Variants in SWAP70 observed in about 807,000 individuals in gnomAD.
The protein encoded by SWAP70 is switch-associated protein 70.
SWAP70 carries 34 observed loss-of-function variants against 80.2 expected under a neutral mutation model. The observed-to-expected ratio is 0.42, with a 90% CI of 0.32 to 0.56. The LOEUF (loss-of-function observed/expected upper bound fraction) is 0.56, where lower values mean the gene tolerates loss of function less well. Among genes scored for constraint, SWAP70 ranks in the 20% least tolerant of loss-of-function variants. The pLI is 0.09. For synonymous variants in SWAP70, 239 were observed against 238.5 expected, an observed-to-expected ratio of 1.00 and a Z score of -0.02; for missense variants, 578 against 690.7, an observed-to-expected ratio of 0.84 and a Z score of 1.83.
At chr11:9,695,116 C>G (rs1413226050) in intron 2 of SWAP70, among the ~76,000 whole-genome samples, 1 of 152,036 alleles carries the variant, frequency 6.6e-6, no homozygotes, top group Non-Finnish European at 1.5e-5. Context: ...TGATGAAACC[C>G]CATCTCTATT....
chr11:9,699,906 C>G (rs1485487181), intron 2 of SWAP70, among the ~76,000 whole-genome samples: 1 of 149,416 alleles, frequency 6.7e-6, no homozygotes, highest in East Asian at 1.9e-4. Flanking sequence ...TAGATACAGA[C>G]AGTAAATAGA....
At chr11:9,747,410 A>T (rs1851525659) in intron 9 of SWAP70, among the ~76,000 whole-genome samples, 2 of 152,230 alleles carry the variant, frequency 1.3e-5, no homozygotes. Flanking sequence ...ACTAGATGAA[A>T]ATGTTTTCAT....
intron 1 of SWAP70, among the ~76,000 whole-genome samples, chr11:9,687,980 C>A (rs1400414160): frequency 6.6e-6 from 1 of 152,154 alleles, no homozygotes; most frequent in Admixed American, 6.5e-5. Context: ...AGAAATGTTT[C>A]CAGCACAGGG....
intron 1 of SWAP70, among the ~76,000 whole-genome samples, chr11:9,670,522 G>C (rs967893288): frequency 1.0e-3 from 155 of 151,954 alleles, no homozygotes; most frequent in African/African-American, 3.7e-3. Context: ...GGAAAATTTG[G>C]GGTTGTCAGT....
chr11:9,672,217 A>G (rs1459185204), intron 1 of SWAP70, among the ~76,000 whole-genome samples: 1 of 133,124 alleles, frequency 7.5e-6, no homozygotes, highest in Non-Finnish European at 1.6e-5. Context: ...ATATATATAT[A>G]TATATATATA....
At chr11:9,708,273 T>A (rs1850949770) in intron 2 of SWAP70, among the ~76,000 whole-genome samples, 1 of 152,108 alleles carries the variant, frequency 6.6e-6, no homozygotes. Flanking sequence ...TGTGCAAGGG[T>A]TCGAATTTCT....
Position 9,713,509 on chromosome 11 carries a change from G to A in SWAP70, c.284G>A (p.Trp95Ter). The A allele has an allele frequency of 6.2e-7, 1 of 1,613,780 alleles. No individual in the cohort carries two copies. ...FDKIEFNRMC[W>*]TLCVKKNLTK... ...AAGATTGAATTCAATAGGATGTGTT[G>A]GACCCTCTGTGTCAAAAAAAACCTC... Residue 95 changes from tryptophan (W) to a stop codon, truncating the protein, a stop_gained, in exon 3 of 12, where the codon TGG becomes TAG. Transcript: ENST00000318950. LOFTEE classifies it high-confidence loss of function.
At chr11:9,675,342 G>GGAGAGAGAGAGAGA (rs1850477836) in intron 1 of SWAP70, among the ~76,000 whole-genome samples, 1 of 11,910 alleles carries the variant, frequency 8.4e-5, no homozygotes, top group Non-Finnish European at 2.3e-4. Flanking sequence ...AGAGAGAGAG[G>GGAGAGAGAGAGAGA]GAGCGAGAGA....
chr11:9,726,596 A>G (rs1851228292), intron 4 of SWAP70, among the ~76,000 whole-genome samples: 1 of 152,240 alleles, frequency 6.6e-6, no homozygotes, highest in South Asian at 2.1e-4. Flanking sequence ...GAAACTGAAT[A>G]TGTAATATGA....
intron 2 of SWAP70, among the ~76,000 whole-genome samples, chr11:9,706,818 A>C (rs1850921107): frequency 1.3e-5 from 2 of 151,196 alleles, no homozygotes; most frequent in East Asian, 1.9e-4. Context: ...CACATAAAGA[A>C]CTCTTTTTTT....
chr11:9,664,371 G>T lies in SWAP70; in HGVS notation c.99+93G>T, dbSNP rs2134407495. 2.2e-6 allele frequency: 3 copies of T among 1,382,972 alleles called. No individual in the cohort carries two copies. In the Admixed American group the frequency reaches 6.8e-5, roughly 32 times the overall value. 85.7% of individuals were successfully genotyped at this position (1,382,972 alleles called of 1,614,324 possible). A position where few individuals can be genotyped will look rare whatever the true frequency, so the allele number is the denominator to read the frequency against. The stretch of plus-strand genomic sequence containing the variant: ...AAGCGGGACCTGGCGGGCCGTGACC[G>T]CAGGGCGGGGCGGGTCGGAATGCGC... On this transcript the variant is annotated intron_variant, in intron 1 of 11. Coordinates refer to ENST00000318950, the MANE Select transcript of SWAP70 (RefSeq NM_015055.4).
chr11:9,714,534 T>C (rs7480519), intron 3 of SWAP70, among the ~76,000 whole-genome samples: 152,331 of 152,332 alleles, frequency 1, 76,165 homozygotes, highest in Middle Eastern at 1. Context: ...ATTCTGAGTC[T>C]TAAGAAATGC....
At chr11:9,678,164 C>G (rs925952314) in intron 1 of SWAP70, among the ~76,000 whole-genome samples, 1 of 152,264 alleles carries the variant, frequency 6.6e-6, no homozygotes, top group East Asian at 1.9e-4. Context: ...TGTGTTTCTG[C>G]TAACCTCTAT....
At chr11:9,688,291 C>T (rs1027343233) in intron 1 of SWAP70, among the ~76,000 whole-genome samples, 1 of 152,156 alleles carries the variant, frequency 6.6e-6, no homozygotes, top group Non-Finnish European at 1.5e-5. Context: ...AATGTACAGT[C>T]TTACAGGAGA....
intron 2 of SWAP70, chr11:9,703,395 G>T: frequency 2.2e-6 from 1 of 456,274 alleles, no homozygotes; most frequent in Non-Finnish European, 4.4e-6. Flanking sequence ...CTGTTCCCCA[G>T]ATTACCAAGA....
intron 1 of SWAP70, among the ~76,000 whole-genome samples, chr11:9,671,743 G>GAAATATAAATATAAAATATATTTAT (rs1565109844): frequency 1.1e-4 from 6 of 54,446 alleles, no homozygotes; most frequent in Non-Finnish European, 1.6e-4. Flanking sequence ...TGTATACATA[G>GAAATATAAATATAAAATATATTTAT]AAATATAAAT....
At chr11:9,747,752 A>C in intron 9 of SWAP70, 106 bp from the exon 10 acceptor site, 1 of 1,059,562 alleles carries the variant, frequency 9.4e-7, no homozygotes, top group Non-Finnish European at 1.5e-6. Context: ...TGAAAGGGGG[A>C]TTAGACGACC....
At chr11:9,724,071 G>A (rs1851175811) in intron 3 of SWAP70, among the ~76,000 whole-genome samples, 1 of 152,180 alleles carries the variant, frequency 6.6e-6, no homozygotes, top group Non-Finnish European at 1.5e-5. Flanking sequence ...ACTGCTCCTG[G>A]CCTAACTGCT....
rs1391459966 is a variant in SWAP70, at chr11:9,664,206, C to G, written c.27C>G (p.Leu9=). The change falls in exon 1 of 12, where the codon CTC becomes CTG. Residue 9 remains leucine (L), a synonymous_variant. Coordinates refer to ENST00000318950, the MANE Select transcript of SWAP70 (RefSeq NM_015055.4). MGSLKEEL[L]KAIWHAFTAL... ...TGGGGAGCTTGAAGGAGGAGCTGCTCAAAGCCATCTGGCACGCCTTCACCG... is the reference window on the plus strand; with the variant it reads ...TGGGGAGCTTGAAGGAGGAGCTGCTGAAAGCCATCTGGCACGCCTTCACCG... 1.3e-6 allele frequency: 2 copies of G among 1,590,568 alleles called. No individual in the cohort carries two copies. Among genetic ancestry groups the G allele is most frequent in the African/African-American group, 2.7e-5 (2 of 74,258 alleles).
Sources: allele counts gnomAD v4.1 joint callset (sites outside exome capture counted in the v4.1 genomes callset), GRCh38; gene constraint gnomAD v4.1.1; transcripts MANE v1.5; gene names NCBI Gene and HGNC (gene_info 2026-07-23, HGNC 2026-07-21).